EYS: variants seen among roughly 807,000 people sequenced by gnomAD.
EYS encodes EGF-like photoreceptor maintenance factor, also known as protein eyes shut homolog.
A neutral mutation model predicts 282.1 loss-of-function variants in EYS; 250 were observed. That is an observed-to-expected ratio of 0.89 (90% CI 0.80 to 0.98). EYS has a LOEUF of 0.98. EYS is among the 50% of genes least tolerant of loss of function. The pLI is 0.00. For missense variants in EYS, 4,016 were observed against 3,709.0 expected, an observed-to-expected ratio of 1.08 and a Z score of -2.15; for synonymous variants, 1,355 against 1,282.9, an observed-to-expected ratio of 1.06 and a Z score of -1.20.
intron 12 of EYS, among the ~76,000 whole-genome samples, chr6:65,126,881 C>T (rs1372354268): frequency 1.3e-5 from 2 of 152,142 alleles, no homozygotes; most frequent in African/African-American, 4.8e-5. Flanking sequence ...ACTCATACCT[C>T]TCAGCTAACA....
intron 26 of EYS, among the ~76,000 whole-genome samples, chr6:64,444,849 T>A (rs1380215213): frequency 6.6e-6 from 1 of 152,072 alleles, no homozygotes; most frequent in Non-Finnish European, 1.5e-5. Flanking sequence ...TTTAAAAGAG[T>A]GTGGTACTTC....
chr6:65,244,688 A>T (rs1582057838), intron 12 of EYS, among the ~76,000 whole-genome samples: 2 of 142,418 alleles, frequency 1.4e-5, no homozygotes, highest in Non-Finnish European at 3.1e-5. Context: ...AATTTTTTGT[A>T]TTTTTTTTTT....
intron 35 of EYS, among the ~76,000 whole-genome samples, chr6:63,919,374 A>G (rs1490843605): frequency 3.1e-5 from 4 of 129,580 alleles, no homozygotes; most frequent in Non-Finnish European, 4.7e-5. Context: ...ACTTCATAAG[A>G]CTGAAATATT....
chr6:64,642,982 G>A (rs1006994631), intron 22 of EYS, among the ~76,000 whole-genome samples: 1 of 152,172 alleles, frequency 6.6e-6, no homozygotes, highest in Non-Finnish European at 1.5e-5. Context: ...GGGCGTGGTG[G>A]CACATGCCTC....
intron 22 of EYS, among the ~76,000 whole-genome samples, chr6:64,811,736 T>A (rs573934297): frequency 1.4e-4 from 22 of 152,220 alleles, no homozygotes; most frequent in African/African-American, 5.1e-4. Context: ...TGCCATCCTA[T>A]GGTGCAGCAT....
chr6:64,547,024 G>C (rs1040859627), intron 26 of EYS, among the ~76,000 whole-genome samples: 49 of 152,122 alleles, frequency 3.2e-4, no homozygotes, highest in African/African-American at 1.2e-3. Flanking sequence ...GGCATGTCTG[G>C]AGTTTGTTCC....
intron 12 of EYS, among the ~76,000 whole-genome samples, chr6:65,253,055 T>C (rs1025647244): frequency 2.0e-5 from 3 of 151,908 alleles, no homozygotes; most frequent in African/African-American, 7.2e-5. Flanking sequence ...CTTGAAGAAA[T>C]TGTGGCTGAA....
intron 1 of EYS, among the ~76,000 whole-genome samples, chr6:65,669,542 C>T: frequency 6.6e-6 from 1 of 151,874 alleles, no homozygotes; most frequent in East Asian, 1.9e-4. Context: ...AATAGCTGTC[C>T]CTCACTGGTT....
chr6:63,901,573 A>C (rs1441127746), intron 35 of EYS, among the ~76,000 whole-genome samples: 1 of 152,230 alleles, frequency 6.6e-6, no homozygotes, highest in East Asian at 1.9e-4. Context: ...CTAGACATAC[A>C]ATAGTCACTG....
intron 31 of EYS, among the ~76,000 whole-genome samples, chr6:64,171,873 CT>C (rs1764491249): frequency 6.6e-6 from 1 of 152,148 alleles, no homozygotes; most frequent in African/African-American, 2.4e-5. Flanking sequence ...GGGCTATCAC[CT>C]TTCCAGCGTT....
chr6:65,323,552 A>G (rs1182548585), intron 11 of EYS, among the ~76,000 whole-genome samples: 1 of 149,810 alleles, frequency 6.7e-6, no homozygotes, highest in Non-Finnish European at 1.5e-5. Context: ...AAATTATCTC[A>G]TTTAATCCAT....
intron 23 of EYS, among the ~76,000 whole-genome samples, chr6:64,619,414 A>G (rs773570001): frequency 3.3e-5 from 5 of 152,082 alleles, no homozygotes; most frequent in Non-Finnish European, 5.9e-5. Context: ...ACAATAGAGT[A>G]GAGAGCTTGT....
At chr6:64,565,159 T>C (rs1251111257) in intron 26 of EYS, among the ~76,000 whole-genome samples, 2 of 152,190 alleles carry the variant, frequency 1.3e-5, no homozygotes, top group Non-Finnish European at 2.9e-5. Context: ...TTTAGTTTTA[T>C]GTAATCCCAT....
rs77587244 is a variant in EYS at position 65,186,698 on chromosome 6, T to C, written c.2023+109165A>G. Among the ~76,000 whole-genome samples the C allele has an allele frequency of 6.7e-4, 102 of 151,910 alleles. 2 individuals carry two copies. The East Asian group carries it at 0.018, about 27-fold the overall frequency. ...CATTACAATTCATGGAAAGCACTTA[T>C]GTCACTTAAAAGATTGGGCTTCAGA... On this transcript the variant is annotated intron_variant, in intron 12 of 42. Coordinates refer to ENST00000503581, the MANE Select transcript of EYS (RefSeq NM_001142800.2).
intron 5 of EYS, among the ~76,000 whole-genome samples, chr6:65,434,406 T>C (rs188508056): frequency 0.016 from 2,360 of 151,814 alleles, 21 homozygotes; most frequent in Non-Finnish European, 0.02. Flanking sequence ...CTGCAAGCTC[T>C]GCCTCCCACG....
chr6:64,074,335 TTA>T (rs1266438847), intron 32 of EYS, among the ~76,000 whole-genome samples: 4 of 151,034 alleles, frequency 2.6e-5, no homozygotes, highest in African/African-American at 9.7e-5. Context: ...GTATATATAA[TTA>T]GTCTTATAAA....
chr6:64,520,038 T>A (rs371030057), intron 26 of EYS, among the ~76,000 whole-genome samples: 17 of 151,866 alleles, frequency 1.1e-4, no homozygotes, highest in African/African-American at 3.9e-4. Context: ...CTGGACCCAA[T>A]AGGAAACTCT....
chr6:64,818,489 C>T (rs1026829689), intron 21 of EYS, among the ~76,000 whole-genome samples: 3 of 152,010 alleles, frequency 2.0e-5, no homozygotes, highest in Non-Finnish European at 4.4e-5. Context: ...TACAATAGGC[C>T]GTCTGCAAGG....
Position 64,885,522 on chromosome 6 carries a change from A to G in EYS, c.2992+1175T>C, listed in dbSNP as rs114880178. ...CAAGGTGAATGGCATTGCTGAGTGG[A>G]TATATATGGTTCTACATTGATAGCT... On this transcript the variant is annotated intron_variant, in intron 19 of 42. Coordinates refer to ENST00000503581, the MANE Select transcript of EYS (RefSeq NM_001142800.2). Among the ~76,000 whole-genome samples the G allele has an allele frequency of 7.8e-3, 1,187 of 151,874 alleles. 16 individuals are homozygous for G. Among genetic ancestry groups the G allele is most frequent in the African/African-American group, 0.026 (1,094 of 41,514 alleles).
Sources: gnomAD v4.1 joint callset for allele counts (sites outside exome capture counted in the v4.1 genomes callset) on GRCh38, gnomAD v4.1.1 for gene constraint, MANE v1.5 for transcripts, NCBI Gene and HGNC (gene_info 2026-07-23, HGNC 2026-07-21) for gene names.